Variants in BIRC2 observed in about 807,000 individuals in gnomAD.
BIRC2 encodes baculoviral IAP repeat containing 2, also known as baculoviral IAP repeat-containing protein 2.
A neutral mutation model predicts 60.9 loss-of-function variants in BIRC2; 18 were observed. The observed-to-expected ratio is 0.30, with a 90% CI of 0.20 to 0.44. The LOEUF (loss-of-function observed/expected upper bound fraction) is 0.44. Among genes scored for constraint, BIRC2 ranks in the 20% least tolerant of loss-of-function variants. BIRC2 has a pLI of 1.00. For synonymous variants in BIRC2, 282 were observed against 247.7 expected (o/e 1.14, Z -1.30); for missense variants, 701 against 728.5 (o/e 0.96, Z 0.43).
rs1226050928 is a variant in BIRC2, at chr11:102,363,657, T to G, written c.1075-11T>G. 6.2e-7 allele frequency: 1 copy of G among 1,610,372 alleles called. No individual in the cohort carries two copies. The highest frequency in any genetic ancestry group is 8.5e-7 in the Non-Finnish European group (1 of 1,177,210). On this transcript the variant is annotated splice_polypyrimidine_tract_variant and intron_variant, in intron 4 of 8. Transcript: ENST00000227758. ...CTGCTTTTACCTATTAACTTTTCTCTTGTTTCATAGCTGTTGTCAACTTCA... is the reference window on the plus strand; with the variant it reads ...CTGCTTTTACCTATTAACTTTTCTCGTGTTTCATAGCTGTTGTCAACTTCA...
At chr11:102,372,004 A>G (rs1012153289) in intron 6 of BIRC2, among the ~76,000 whole-genome samples, 1 of 152,142 alleles carries the variant, frequency 6.6e-6, no homozygotes, top group African/African-American at 2.4e-5. Context: ...CTGTGGGATC[A>G]GTGGTGATAT....
At chr11:102,355,333 G>A (rs1200620847) in intron 3 of BIRC2, among the ~76,000 whole-genome samples, 1 of 152,078 alleles carries the variant, frequency 6.6e-6, no homozygotes, top group Non-Finnish European at 1.5e-5. Context: ...AAACGGTGTT[G>A]GATATCCAGT....
At chr11:102,373,913 T>TCATTTCATC (rs1406793277) in intron 6 of BIRC2, among the ~76,000 whole-genome samples, 94 of 146,072 alleles carry the variant, frequency 6.4e-4, no homozygotes, top group African/African-American at 2.3e-3. Context: ...TTCATTTCAT[T>TCATTTCATC]CATTTCATCT....
intron 6 of BIRC2, among the ~76,000 whole-genome samples, chr11:102,375,738 C>T (rs1951704713): frequency 6.6e-6 from 1 of 151,542 alleles, no homozygotes; most frequent in Non-Finnish European, 1.5e-5. Context: ...CGAGATCGTG[C>T]CCCTGCACTC....
intron 5 of BIRC2, 26 bp from the exon 6 acceptor site, chr11:102,368,280 A>G (rs1951576204): frequency 6.2e-7 from 1 of 1,601,362 alleles, no homozygotes; most frequent in Middle Eastern, 1.7e-4. Context: ...GTGGAATTTA[A>G]TATTAGCATG....
chr11:102,349,889 G>A lies in BIRC2; in HGVS notation c.35G>A (p.Gly12Asp). The part of the protein sequence containing the change: ...HKTASQRLFP[G>D]PSYQNIKSIM... ...ACTGCCTCCCAAAGACTTTTCCCAG[G>A]TCCCTCGTATCAAAACATTAAGAGT... Residue 12 changes from glycine (G) to aspartate (D), a missense_variant, in exon 2 of 9, where the codon GGT becomes GAT. Coordinates refer to ENST00000227758, the MANE Select transcript of BIRC2 (RefSeq NM_001166.5). 6.2e-7 allele frequency: 1 copy of A among 1,611,772 alleles called. No individual in the cohort carries two copies. Among genetic ancestry groups the A allele is most frequent in the South Asian group, 1.1e-5 (1 of 90,816 alleles).
At chr11:102,351,546 C>T (rs556824482) in intron 3 of BIRC2, among the ~76,000 whole-genome samples, 4 of 124,302 alleles carry the variant, frequency 3.2e-5, no homozygotes, top group African/African-American at 9.0e-5. Flanking sequence ...GCTCAGGAGG[C>T]GGAGGCTGCA....
intron 6 of BIRC2, among the ~76,000 whole-genome samples, chr11:102,369,602 G>T (rs1414412510): frequency 9.0e-5 from 13 of 144,486 alleles, no homozygotes; most frequent in African/African-American, 3.1e-4. Context: ...CTTTGCTATT[G>T]TGAATAATGC....
rs138825153 is a variant in BIRC2, at chr11:102,352,176, C to T, written c.995+1233C>T. Among the ~76,000 whole-genome samples, 1,372 of 151,240 alleles carry T rather than the reference C, an allele frequency of 9.1e-3. 20 individuals carry two copies. The highest frequency in any genetic ancestry group is 0.031 in the African/African-American group (1,282 of 41,158). On this transcript the variant is annotated intron_variant, in intron 3 of 8. Coordinates refer to ENST00000227758, the MANE Select transcript of BIRC2 (RefSeq NM_001166.5). ...TCACCCAGGCTGGAGAGCAGTGGCG[C>T]GATCTCGGCTCACTGTAAGCTCCAC... is the stretch of plus-strand genomic sequence containing the variant.
chr11:102,361,925 T>C (rs1349623913), intron 3 of BIRC2, among the ~76,000 whole-genome samples: 1 of 152,120 alleles, frequency 6.6e-6, no homozygotes, highest in African/African-American at 2.4e-5. Context: ...GCTGTCTGTT[T>C]GTTGTTTTTT....
chr11:102,376,800 T>C (rs1237784428), intron 6 of BIRC2, among the ~76,000 whole-genome samples: 1 of 152,206 alleles, frequency 6.6e-6, no homozygotes, highest in Non-Finnish European at 1.5e-5. Flanking sequence ...ACATGTATTA[T>C]TCAATCCTTA....
Position 102,350,168 on chromosome 11 carries a change from A to C in BIRC2, c.314A>C (p.Gln105Pro), listed in dbSNP as rs1465465161. 1.2e-6 allele frequency: 2 copies of C among 1,614,116 alleles called. No homozygotes were observed. The highest frequency in any genetic ancestry group is 1.7e-6 in the Non-Finnish European group (2 of 1,180,048). Residue 105 changes from glutamine (Q) to proline (P), a missense_variant, in exon 2 of 9, where the codon CAG (glutamine) becomes CCG (proline). Around this residue, in one of 4 missense-constraint regions of BIRC2, gnomAD observed 375 missense variants for 365.9 expected, o/e 1.02. Coordinates refer to ENST00000227758, the MANE Select transcript of BIRC2 (RefSeq NM_001166.5). Reference protein sequence around the residue: ...LGDSPIQKHKQLYPSCSFIQN... With the variant: ...LGDSPIQKHKPLYPSCSFIQN... ...GACAGTCCTATTCAAAAGCATAAAC[A>C]GCTATATCCTAGCTGTAGCTTTATT... is the stretch of plus-strand genomic sequence containing the variant.
At chr11:102,367,497 A>G (rs1050717500) in intron 5 of BIRC2, among the ~76,000 whole-genome samples, 2 of 152,162 alleles carry the variant, frequency 1.3e-5, no homozygotes, top group African/African-American at 4.8e-5. Flanking sequence ...AAGAGGGGAC[A>G]TTGTTGACGT....
intron 3 of BIRC2, among the ~76,000 whole-genome samples, chr11:102,357,615 C>T (rs1463122640): frequency 2.6e-5 from 4 of 152,118 alleles, no homozygotes; most frequent in East Asian, 3.9e-4. Flanking sequence ...TGGTCATTTG[C>T]GTTTCTGTGT....
At chr11:102,371,703 C>A (rs1951633984) in intron 6 of BIRC2, among the ~76,000 whole-genome samples, 1 of 146,306 alleles carries the variant, frequency 6.8e-6, no homozygotes, top group Non-Finnish European at 1.5e-5. Flanking sequence ...GGGAGGATTC[C>A]CTCTTTTTCT....
rs758152346 is a variant in BIRC2 at position 102,378,197 on chromosome 11, A to C, written c.*14A>C. 3.8e-6 allele frequency: 6 copies of C among 1,562,484 alleles called. No homozygotes were observed. The highest frequency in any genetic ancestry group is 5.2e-6 in the Non-Finnish European group (6 of 1,157,170). On this transcript the variant is annotated 3_prime_UTR_variant, in exon 9 of 9. Coordinates refer to ENST00000227758, the MANE Select transcript of BIRC2 (RefSeq NM_001166.5). ...TTTCTCTCTTAAAGAAAAATAGTCTATATTTTAACCTGCATAAAAAGGTCT... is the reference window on the plus strand; with the variant it reads ...TTTCTCTCTTAAAGAAAAATAGTCTCTATTTTAACCTGCATAAAAAGGTCT...
chr11:102,364,110 A>G (rs1951516923), intron 5 of BIRC2, among the ~76,000 whole-genome samples: 1 of 140,430 alleles, frequency 7.1e-6, no homozygotes, highest in Non-Finnish European at 1.5e-5. Flanking sequence ...AGCCATAGGG[A>G]AAAATACTGG....
chr11:102,377,085 G>T (rs984897541), intron 6 of BIRC2, among the ~76,000 whole-genome samples: 2 of 152,028 alleles, frequency 1.3e-5, no homozygotes, highest in African/African-American at 4.8e-5. Flanking sequence ...TTCTCCCTAT[G>T]TAAAAATGAG....
intron 3 of BIRC2, among the ~76,000 whole-genome samples, chr11:102,357,193 G>A (rs540877036): frequency 2.6e-5 from 4 of 152,192 alleles, no homozygotes; most frequent in South Asian, 4.2e-4. Context: ...TCCTGGTCTG[G>A]CTTTGGTATC....
Sources: gnomAD v4.1 joint callset for allele counts (sites outside exome capture counted in the v4.1 genomes callset) on GRCh38, gnomAD v4.1.1 for gene constraint, gnomAD v4.1.1 regional missense constraint, MANE v1.5 for transcripts, NCBI Gene and HGNC (gene_info 2026-07-23, HGNC 2026-07-21) for gene names.